The following OSBPL1A variants were observed in gnomAD, a reference collection of about 807,000 sequenced individuals.
OSBPL1A encodes the protein oxysterol binding protein like 1A, also known as oxysterol-binding protein-related protein 1.
Under a neutral mutation model 137.1 loss-of-function variants are expected in OSBPL1A, and 80 were observed. The ratio of observed to expected loss-of-function variants is 0.58; its 90% CI spans 0.49 to 0.70. OSBPL1A has a LOEUF of 0.70. OSBPL1A is among the 30% of genes least tolerant of loss of function. The pLI is 0.00. For synonymous variants in OSBPL1A, 365 were observed against 389.7 expected, an observed-to-expected ratio of 0.94 and a Z score of 0.75; for missense variants, 970 against 1,129.4, an observed-to-expected ratio of 0.86 and a Z score of 2.02.
At chr18:24,347,308 C>T (rs28674087) in intron 4 of OSBPL1A, among the ~76,000 whole-genome samples, 2,008 of 152,100 alleles carry the variant, frequency 0.013, 37 homozygotes, top group African/African-American at 0.04. Context: ...TTCTACCTTC[C>T]GAGTAGCTGG....
At chr18:24,381,964 AAAAG>A (rs557216249) in intron 1 of OSBPL1A, among the ~76,000 whole-genome samples, 3 of 151,848 alleles carry the variant, frequency 2.0e-5, no homozygotes, top group Non-Finnish European at 4.4e-5. Context: ...CCACCTCAAA[AAAAG>A]AAAGAAAGAA....
intron 2 of OSBPL1A, among the ~76,000 whole-genome samples, chr18:24,369,539 G>C (rs539806180): frequency 6.6e-6 from 1 of 152,214 alleles, no homozygotes; most frequent in East Asian, 1.9e-4. Flanking sequence ...GTAGATAGCA[G>C]TACCTCACTT....
At chr18:24,180,964 C>T (rs368836508) in intron 19 of OSBPL1A, among the ~76,000 whole-genome samples, 181 bp downstream of exon 19, 11 of 152,216 alleles carry the variant, frequency 7.2e-5, no homozygotes, top group African/African-American at 1.9e-4. Flanking sequence ...CAATACTCAT[C>T]GGTCTCTGCA....
rs889696981 is a variant in OSBPL1A at position 24,324,561 on chromosome 18, G to C, written c.626-5752C>G. ...ATAGATAACTCACGTGTATACATTG[G>C]TGCGTATTTCCAGACTCCCAATAAA... On this transcript the variant is annotated intron_variant, in intron 7 of 27. Coordinates refer to ENST00000319481, the MANE Select transcript of OSBPL1A (RefSeq NM_080597.4). Among the ~76,000 whole-genome samples, 9 of 52,536 alleles carry C rather than the reference G, an allele frequency of 1.7e-4. 3 individuals are homozygous for C. The highest frequency in any genetic ancestry group is 3.1e-4 in the Non-Finnish European group (8 of 26,000). The allele number at this position is 52,536 out of a possible 152,430, so 34.5% of individuals were successfully genotyped here. A position where few individuals can be genotyped will look rare whatever the true frequency, so the allele number is the denominator to read the frequency against.
At chr18:24,196,941 C>G (rs779025454) in intron 17 of OSBPL1A, among the ~76,000 whole-genome samples, 3 of 152,164 alleles carry the variant, frequency 2.0e-5, no homozygotes, top group African/African-American at 4.8e-5. Context: ...AGAGTCAGGC[C>G]TGGTGGGCAG....
At chr18:24,379,569 TGAAA>T (rs1906436140) in intron 1 of OSBPL1A, among the ~76,000 whole-genome samples, 1 of 151,058 alleles carries the variant, frequency 6.6e-6, no homozygotes, top group Non-Finnish European at 1.5e-5. Context: ...GGTCAAACAT[TGAAA>T]CGAAGTTCTA....
At chr18:24,375,714 T>TACTA (rs1906059383) in intron 2 of OSBPL1A, among the ~76,000 whole-genome samples, 1 of 152,182 alleles carries the variant, frequency 6.6e-6, no homozygotes, top group African/African-American at 2.4e-5. Context: ...GATCTGTTAA[T>TACTA]CTACTAGACT....
rs2091133122 is a variant in OSBPL1A, at chr18:24,334,265, T to C, written c.460A>G (p.Thr154Ala). ...LLLAAAREGK[T>A]TELTALLNRP... The stretch of plus-strand genomic sequence containing the variant: ...TTTACCAGAGCTGTGAGTTCTGTTG[T>C]TTTGCCTTCTCTTGCTGCTGCTAAA... The change falls in exon 6 of 28, where the codon ACA (threonine) becomes GCA (alanine). Residue 154 changes from threonine to alanine, a missense_variant. Thr to Ala is a moderately conservative substitution (Grantham distance 58). Transcript: ENST00000319481. 6.2e-7 allele frequency: 1 copy of C among 1,612,166 alleles called. No homozygotes were observed. The highest frequency in any genetic ancestry group is 8.5e-7 in the Non-Finnish European group (1 of 1,179,466).
chr18:24,374,014 G>A (rs930030386), intron 2 of OSBPL1A, among the ~76,000 whole-genome samples: 2 of 152,174 alleles, frequency 1.3e-5, no homozygotes, highest in Admixed American at 6.5e-5. Context: ...AACATGGGTG[G>A]AGGTGGGAAG....
chr18:24,355,456 G>A (rs1407368067), intron 4 of OSBPL1A, among the ~76,000 whole-genome samples: 3 of 151,776 alleles, frequency 2.0e-5, no homozygotes, highest in Non-Finnish European at 4.4e-5. Context: ...AGCTGAGATT[G>A]CACCATTGCA....
In OSBPL1A at chr18:24,254,715, C is replaced by G. The variant is rs116789214; in HGVS notation, c.1282-15333G>C. 7.1e-3 allele frequency among the ~76,000 whole-genome samples: 1,071 copies of G among 151,604 alleles called. 17 individuals carry two copies. The highest frequency in any genetic ancestry group is 0.025 in the African/African-American group (1,015 of 41,368). On this transcript the variant is annotated intron_variant, in intron 15 of 27. Transcript: ENST00000319481. ...GAGAGAAATTTACAGCTCTAAGTGC[C>G]TACATCAAAAAAAAAGGAAAACTTC...
chr18:24,331,473 T>C (rs1216064263), intron 7 of OSBPL1A, among the ~76,000 whole-genome samples: 2 of 149,110 alleles, frequency 1.3e-5, no homozygotes, highest in African/African-American at 5.1e-5. Context: ...CTCGGCTCAC[T>C]GCAAGCTCCG....
chr18:24,167,302 G>C, intron 25 of OSBPL1A, 27 bp downstream of exon 25: 1 of 1,585,736 alleles, frequency 6.3e-7, no homozygotes, highest in South Asian at 1.1e-5. Flanking sequence ...CAGACAGTGA[G>C]GCCACAGCCA....
chr18:24,355,442 A>C (rs576886721), intron 4 of OSBPL1A, among the ~76,000 whole-genome samples: 42 of 152,146 alleles, frequency 2.8e-4, no homozygotes, highest in African/African-American at 8.9e-4. Context: ...CGGAGGTTGC[A>C]GTGAGCTGAG....
chr18:24,182,783 C>T (rs894620847), intron 18 of OSBPL1A, among the ~76,000 whole-genome samples: 3 of 152,120 alleles, frequency 2.0e-5, no homozygotes, highest in Non-Finnish European at 4.4e-5. Context: ...TCATTAAACC[C>T]AGAGATTCAC....
intron 7 of OSBPL1A, among the ~76,000 whole-genome samples, chr18:24,331,085 C>G (rs1041995330): frequency 2.0e-5 from 3 of 151,964 alleles, no homozygotes; most frequent in African/African-American, 7.2e-5. Context: ...GAGCCACCGG[C>G]CTGGCCTGTG....
intron 21 of OSBPL1A, among the ~76,000 whole-genome samples, chr18:24,172,769 G>A (rs543615926): frequency 1.3e-5 from 2 of 152,064 alleles, no homozygotes; most frequent in South Asian, 4.1e-4. Flanking sequence ...AAAGTGTCAT[G>A]AAACATTAAA....
chr18:24,377,172 G>A (rs533796630), intron 2 of OSBPL1A, among the ~76,000 whole-genome samples: 18 of 152,262 alleles, frequency 1.2e-4, no homozygotes, highest in Non-Finnish European at 1.8e-4. Flanking sequence ...CTGTGGGCTA[G>A]AGCCACCCTT....
At chr18:24,306,455 A>G (rs2146105702) in intron 13 of OSBPL1A, among the ~76,000 whole-genome samples, 1 of 152,338 alleles carries the variant, frequency 6.6e-6, no homozygotes, top group South Asian at 2.1e-4. Flanking sequence ...TAAGCACAGA[A>G]GCAGATTGCC....
Sources: allele counts gnomAD v4.1 joint callset (sites outside exome capture counted in the v4.1 genomes callset), GRCh38; gene constraint gnomAD v4.1.1; transcripts MANE v1.5; gene names NCBI Gene and HGNC (gene_info 2026-07-23, HGNC 2026-07-21).